Variants in CDKAL1 observed in about 807,000 individuals in gnomAD.
The protein encoded by CDKAL1 is threonylcarbamoyladenosine tRNA methylthiotransferase.
CDKAL1 carries 32 observed loss-of-function variants against 68.2 expected under a neutral mutation model. The ratio of observed to expected loss-of-function variants is 0.47; its 90% CI spans 0.35 to 0.63. CDKAL1 has a LOEUF of 0.63. CDKAL1 is among the 30% of genes least tolerant of loss of function. The probability of loss-of-function intolerance (pLI) is 0.00; values close to 1 mark genes in which losing one functional copy is unlikely to be tolerated. For missense variants in CDKAL1, 606 were observed against 696.7 expected (o/e 0.87, Z 1.47); for synonymous variants, 234 against 244.3 (o/e 0.96, Z 0.39).
At chr6:21,178,662 T>C (rs1163709402) in intron 13 of CDKAL1, among the ~76,000 whole-genome samples, 1 of 152,222 alleles carries the variant, frequency 6.6e-6, no homozygotes, top group Non-Finnish European at 1.5e-5. Flanking sequence ...AATTATAACT[T>C]AGTCTCTTGT....
chr6:21,115,043 C>T (rs1258630876), intron 13 of CDKAL1, among the ~76,000 whole-genome samples: 2 of 152,086 alleles, frequency 1.3e-5, no homozygotes, highest in African/African-American at 4.8e-5. Context: ...TATCAAAAGC[C>T]TTGGGTTATA....
At chr6:21,184,299 A>G (rs967536227) in intron 13 of CDKAL1, among the ~76,000 whole-genome samples, 4 of 150,432 alleles carry the variant, frequency 2.7e-5, no homozygotes, top group African/African-American at 4.9e-5. Flanking sequence ...GGTTCAAGCG[A>G]TTCTCCTGCC....
intron 13 of CDKAL1, among the ~76,000 whole-genome samples, chr6:21,131,137 A>G (rs958908223): frequency 2.0e-5 from 3 of 152,238 alleles, no homozygotes; most frequent in Non-Finnish European, 4.4e-5. Context: ...TCTACCTTTT[A>G]TATAGTATGA....
chr6:20,979,772 CTTTTTTT>C (rs58698004), intron 10 of CDKAL1, among the ~76,000 whole-genome samples: 5 of 131,762 alleles, frequency 3.8e-5, no homozygotes, highest in Non-Finnish European at 8.2e-5. Context: ...TTCATAGTAT[CTTTTTTT>C]TTTTTTTTTT....
At chr6:21,172,706 G>A (rs1777436843) in intron 13 of CDKAL1, among the ~76,000 whole-genome samples, 1 of 152,108 alleles carries the variant, frequency 6.6e-6, no homozygotes, top group Admixed American at 6.5e-5. Context: ...CAGTGAGCTA[G>A]GATCATACCA....
intron 4 of CDKAL1, 151 bp from the exon 5 acceptor site, chr6:20,649,142 T>C: frequency 1.7e-6 from 1 of 605,326 alleles, no homozygotes; most frequent in Non-Finnish European, 2.9e-6. Context: ...AATATTTCCA[T>C]GTTCTAGCAA....
chr6:21,182,837 C>T (rs1777843354), intron 13 of CDKAL1, among the ~76,000 whole-genome samples: 1 of 152,200 alleles, frequency 6.6e-6, no homozygotes, highest in African/African-American at 2.4e-5. Context: ...GTCATCCCAT[C>T]CATATGCTCC....
intron 9 of CDKAL1, among the ~76,000 whole-genome samples, chr6:20,865,287 G>A (rs938622422): frequency 2.6e-5 from 4 of 152,128 alleles, no homozygotes; most frequent in African/African-American, 9.7e-5. Context: ...GTTGCTATAG[G>A]TGCAATTTAG....
In CDKAL1 at chr6:21,192,062, C is replaced by T. The variant is rs377462275; in HGVS notation, c.1300-5959C>T. On this transcript the variant is annotated intron_variant, in intron 13 of 15. Coordinates refer to ENST00000274695, the MANE Select transcript of CDKAL1 (RefSeq NM_017774.3). ...CGGAGTCTCGCTCTGTCGCCCAGGC[C>T]GGACTGCGGACTGCAGTGGCGCAAT... 6.1e-3 allele frequency among the ~76,000 whole-genome samples: 685 copies of T among 113,062 alleles called. 2 individuals are homozygous for T. Among genetic ancestry groups the T allele is most frequent in the African/African-American group, 0.023 (651 of 28,120 alleles). 74.2% of individuals were successfully genotyped at this position (113,062 alleles called of 152,430 possible).
chr6:20,977,694 C>A (rs1259702640), intron 10 of CDKAL1, among the ~76,000 whole-genome samples: 1 of 152,004 alleles, frequency 6.6e-6, no homozygotes, highest in Non-Finnish European at 1.5e-5. Flanking sequence ...CCTGAGCAAC[C>A]CAGCAAAATC....
At chr6:20,779,970 T>G (rs902249725) in intron 7 of CDKAL1, among the ~76,000 whole-genome samples, 2 of 151,788 alleles carry the variant, frequency 1.3e-5, no homozygotes, top group Non-Finnish European at 2.9e-5. Context: ...AGGTCTAGGC[T>G]GTGTGCGGTG....
chr6:21,070,998 C>G (rs141515485), intron 12 of CDKAL1, among the ~76,000 whole-genome samples: 1 of 152,124 alleles, frequency 6.6e-6, no homozygotes, highest in Non-Finnish European at 1.5e-5. Flanking sequence ...CTTACTAATC[C>G]TTTCTTCATT....
chr6:20,704,053 G>A (rs564950336), intron 5 of CDKAL1, among the ~76,000 whole-genome samples: 19 of 152,260 alleles, frequency 1.2e-4, no homozygotes, highest in African/African-American at 4.6e-4. Flanking sequence ...CACAATTATT[G>A]ATTGTTTCAG....
At chr6:20,625,632 CT>C (rs1767395053) in intron 4 of CDKAL1, among the ~76,000 whole-genome samples, 1 of 152,062 alleles carries the variant, frequency 6.6e-6, no homozygotes, top group Non-Finnish European at 1.5e-5. Flanking sequence ...CAAATGTGTT[CT>C]GTGTACTTTA....
At chr6:20,748,453 C>T (rs998921970) in intron 6 of CDKAL1, among the ~76,000 whole-genome samples, 6 of 148,454 alleles carry the variant, frequency 4.0e-5, no homozygotes, top group East Asian at 2.0e-4. Context: ...CAGGCTGTGG[C>T]GAGTTCCAGG....
In CDKAL1 at chr6:21,230,934, G is replaced by A; in HGVS notation, c.1635G>A (p.Met545Ile). 6.2e-7 allele frequency: 1 copy of A among 1,614,168 alleles called. No individual in the cohort carries two copies. The highest frequency in any genetic ancestry group is 1.1e-5 in the South Asian group (1 of 91,068). ...ASQCDSASSR[M>I]VLPMPRLHQD... ...AGTGTGACTCAGCGAGTTCCAGAAT[G>A]GTGCTGCCCATGCCAAGGCTACATC... is the stretch of plus-strand genomic sequence containing the variant. Residue 545 changes from methionine (M) to isoleucine (I), a missense_variant, in exon 16 of 16, where the codon ATG becomes ATA. Transcript: ENST00000274695.
At position 20,991,484 on chromosome 6, in the gene CDKAL1, G is replaced by A. The variant is rs1229184587; in HGVS notation, c.910-8743G>A. Among the ~76,000 whole-genome samples, 5 of 151,866 alleles carry A rather than the reference G, an allele frequency of 3.3e-5. No homozygotes were observed. The East Asian group carries it at 9.7e-4, about 29-fold the overall frequency. ...GCACTTTGGATGGCAGACGTGGGTGGGTCATTTGAGGTCACGAGTTTGAGA... is the reference window on the plus strand; with the variant it reads ...GCACTTTGGATGGCAGACGTGGGTGAGTCATTTGAGGTCACGAGTTTGAGA... On this transcript the variant is annotated intron_variant, in intron 10 of 15. Transcript: ENST00000274695.
intron 8 of CDKAL1, among the ~76,000 whole-genome samples, chr6:20,797,779 A>G: frequency 7.1e-6 from 1 of 140,870 alleles, no homozygotes; most frequent in Admixed American, 7.2e-5. Flanking sequence ...ATTTTATTTT[A>G]TTTTATTTTA....
chr6:20,650,779 C>T (rs1768726727), intron 5 of CDKAL1, among the ~76,000 whole-genome samples: 1 of 152,146 alleles, frequency 6.6e-6, no homozygotes, highest in Admixed American at 6.5e-5. Flanking sequence ...CAAGGCTAGC[C>T]AGTTTTCCCA....
Sources: allele counts gnomAD v4.1 joint callset (sites outside exome capture counted in the v4.1 genomes callset), GRCh38; gene constraint gnomAD v4.1.1; transcripts MANE v1.5; gene names NCBI Gene and HGNC (gene_info 2026-07-23, HGNC 2026-07-21).